Variants in L3MBTL4 observed in about 807,000 individuals in gnomAD.
L3MBTL4 encodes lethal(3)malignant brain tumor-like protein 4.
L3MBTL4 carries 70 observed loss-of-function variants against 84.5 expected under a neutral mutation model. That is an observed-to-expected ratio of 0.83 (90% confidence interval 0.68 to 1.01). The LOEUF (loss-of-function observed/expected upper bound fraction) is 1.01, where lower values mean the gene tolerates loss of function less well. Among genes scored for constraint, L3MBTL4 ranks in the 50% least tolerant of loss-of-function variants. L3MBTL4 has a pLI of 0.00. For synonymous variants in L3MBTL4, 274 were observed against 259.8 expected (o/e 1.05, Z -0.52); for missense variants, 715 against 754.8 (o/e 0.95, Z 0.62).
chr18:6,298,820 G>A (rs2050213165), intron 4 of L3MBTL4, among the ~76,000 whole-genome samples: 1 of 152,092 alleles, frequency 6.6e-6, no homozygotes, highest in East Asian at 1.9e-4. Context: ...GTTGCAGTGA[G>A]CCAAGATTGC....
intron 1 of L3MBTL4, among the ~76,000 whole-genome samples, chr18:6,405,425 T>G (rs528637812): frequency 6.6e-6 from 1 of 152,356 alleles, no homozygotes; most frequent in South Asian, 2.1e-4. Context: ...CAGCTCCTGA[T>G]GTACCATCTG....
At chr18:6,143,139 C>A (rs1043854539) in intron 13 of L3MBTL4, among the ~76,000 whole-genome samples, 1 of 152,138 alleles carries the variant, frequency 6.6e-6, no homozygotes, top group Non-Finnish European at 1.5e-5. Context: ...ACAGAGTGAT[C>A]TTTCAATGAA....
chr18:6,097,212 G>T (rs1288515175), intron 14 of L3MBTL4, among the ~76,000 whole-genome samples: 1 of 152,148 alleles, frequency 6.6e-6, no homozygotes, highest in Non-Finnish European at 1.5e-5. Flanking sequence ...TAAACAAAAA[G>T]TTGCCAGACC....
intron 15 of L3MBTL4, among the ~76,000 whole-genome samples, chr18:6,091,478 CAT>C (rs1331004077): frequency 6.6e-5 from 10 of 152,188 alleles, no homozygotes; most frequent in Admixed American, 6.5e-4. Flanking sequence ...TTACAGGCAA[CAT>C]AGGATTTGGC....
chr18:6,059,256 A>G (rs1480356219), intron 16 of L3MBTL4, among the ~76,000 whole-genome samples: 2 of 152,358 alleles, frequency 1.3e-5, no homozygotes, highest in Admixed American at 6.5e-5. Context: ...GGCTGCCCAC[A>G]TGCACCAGAC....
chr18:6,026,650 T>A (rs913871006), intron 16 of L3MBTL4, among the ~76,000 whole-genome samples: 57 of 152,318 alleles, frequency 3.7e-4, no homozygotes, highest in African/African-American at 1.1e-3. Context: ...AGGATCAGAA[T>A]AACCACACTG....
chr18:6,342,055 A>G (rs11874784), intron 1 of L3MBTL4, among the ~76,000 whole-genome samples: 29,765 of 152,110 alleles, frequency 0.2, 3,671 homozygotes, highest in African/African-American at 0.35. Flanking sequence ...AGAAATAGAG[A>G]CAGAAACTCT....
intron 16 of L3MBTL4, among the ~76,000 whole-genome samples, chr18:6,064,221 T>G (rs185786729): frequency 1.6e-3 from 243 of 152,216 alleles, no homozygotes; most frequent in Non-Finnish European, 2.8e-3. Context: ...TCTACATGCC[T>G]ATTTTTTATA....
chr18:6,231,598 A>C (rs1234295480), intron 10 of L3MBTL4, among the ~76,000 whole-genome samples: 1 of 152,132 alleles, frequency 6.6e-6, no homozygotes, highest in East Asian at 1.9e-4. Context: ...AATGTTGTAT[A>C]CTTTTCAGTG....
chr18:6,146,483 C>A (rs1480475330), intron 13 of L3MBTL4, among the ~76,000 whole-genome samples: 2 of 152,188 alleles, frequency 1.3e-5, no homozygotes, highest in East Asian at 3.9e-4. Flanking sequence ...GGCGCTCAGT[C>A]CATGCAACGG....
intron 1 of L3MBTL4, among the ~76,000 whole-genome samples, chr18:6,359,008 T>C (rs1028024292): frequency 2.0e-5 from 3 of 152,264 alleles, no homozygotes. Flanking sequence ...TCGTATTTAC[T>C]GATTCAAATC....
At chr18:6,404,606 G>A (rs968464783) in intron 1 of L3MBTL4, among the ~76,000 whole-genome samples, 1 of 152,160 alleles carries the variant, frequency 6.6e-6, no homozygotes, top group Non-Finnish European at 1.5e-5. Flanking sequence ...AAACCTTGAA[G>A]GGAACTGGAT....
At chr18:6,195,719 T>C (rs1329257438) in intron 12 of L3MBTL4, among the ~76,000 whole-genome samples, 1 of 152,246 alleles carries the variant, frequency 6.6e-6, no homozygotes, top group African/African-American at 2.4e-5. Context: ...TAGAATCCCA[T>C]GCAATCACTA....
At chr18:6,092,737 A>T (rs1363258487) in intron 15 of L3MBTL4, among the ~76,000 whole-genome samples, 1 of 152,194 alleles carries the variant, frequency 6.6e-6, no homozygotes, top group Admixed American at 6.5e-5. Flanking sequence ...TATTTTACTC[A>T]TTTAGGTTAA....
chr18:5,960,079 T>A lies in L3MBTL4; in HGVS notation c.1677+15A>T. 9.4e-7 allele frequency: 1 copy of A among 1,060,726 alleles called. No homozygotes were observed. The allele number at this position is 1,060,726 out of a possible 1,614,324, so 65.7% of individuals were successfully genotyped here. A position where few individuals can be genotyped will look rare whatever the true frequency, so the allele number is the denominator to read the frequency against. ...ATATATACATATATATATATATAATTTTTGCATCTCTTACCTCTTTCTTAA... is the reference window on the plus strand; with the variant it reads ...ATATATACATATATATATATATAATATTTGCATCTCTTACCTCTTTCTTAA... On this transcript the variant is annotated intron_variant, in intron 18 of 18. Transcript: ENST00000317931.
chr18:6,386,224 G>T (rs1436568541), intron 1 of L3MBTL4, among the ~76,000 whole-genome samples: 1 of 152,010 alleles, frequency 6.6e-6, no homozygotes, highest in Admixed American at 6.6e-5. Flanking sequence ...AACAAGTAGA[G>T]AAAGAAAAAA....
chr18:6,054,039 C>G (rs2056927633), intron 16 of L3MBTL4, among the ~76,000 whole-genome samples: 1 of 152,216 alleles, frequency 6.6e-6, no homozygotes. Context: ...TCAAGTCCCT[C>G]TGCTTCTTTC....
intron 16 of L3MBTL4, among the ~76,000 whole-genome samples, chr18:5,987,705 A>ATTTGTTT (rs1487279670): frequency 1.3e-5 from 2 of 151,700 alleles, no homozygotes; most frequent in African/African-American, 2.4e-5. Flanking sequence ...TTTACTAAAA[A>ATTTGTTT]TAGGTTAGTG....
At chr18:5,999,231 T>C (rs1188588171) in intron 16 of L3MBTL4, among the ~76,000 whole-genome samples, 3 of 152,344 alleles carry the variant, frequency 2.0e-5, no homozygotes, top group African/African-American at 7.2e-5. Context: ...TTCTCATATT[T>C]ATATTTATTG....
Sources: allele counts gnomAD v4.1 joint callset (sites outside exome capture counted in the v4.1 genomes callset), GRCh38; gene constraint gnomAD v4.1.1; transcripts MANE v1.5; gene names NCBI Gene and HGNC (gene_info 2026-07-23, HGNC 2026-07-21).